The following TSGA10 variants were observed in gnomAD, a reference collection of about 807,000 sequenced individuals.
TSGA10 encodes the protein testis-specific gene 10 protein.
In TSGA10, 43 loss-of-function variants were observed where a neutral mutation model predicts 96.6. The ratio of observed to expected loss-of-function variants is 0.44; its 90% CI spans 0.35 to 0.57. TSGA10 has a LOEUF of 0.57. Among genes scored for constraint, TSGA10 ranks in the 20% least tolerant of loss-of-function variants. TSGA10 has a pLI of 0.01. For synonymous variants in TSGA10, 229 were observed against 269.9 expected (o/e 0.85, Z 1.48); for missense variants, 703 against 834.4 (o/e 0.84, Z 1.94).
intron 7 of TSGA10, among the ~76,000 whole-genome samples, chr2:99,108,061 G>T (rs1206124588): frequency 6.6e-6 from 1 of 151,814 alleles, no homozygotes; most frequent in Admixed American, 6.6e-5. Context: ...CATTTTTCAG[G>T]GCTCACACTT....
chr2:99,102,283 T>G (rs1456179264), intron 10 of TSGA10: 1 of 1,611,826 alleles, frequency 6.2e-7, no homozygotes, highest in East Asian at 2.2e-5. Flanking sequence ...AAAGGAGATG[T>G]GGAGGGCAGT....
In TSGA10 at chr2:99,078,940, G is replaced by GAGTT. The variant is rs1205720875; in HGVS notation, c.728-128_728-127insAACT. The GAGTT allele has an allele frequency of 1.1e-4, 90 of 838,242 alleles. 3 individuals are homozygous for GAGTT. The Middle Eastern group carries it at 1.5e-3, about 14-fold the overall frequency. 51.9% of individuals were successfully genotyped at this position (838,242 alleles called of 1,614,324 possible). A position where few individuals can be genotyped will look rare whatever the true frequency, so the allele number is the denominator to read the frequency against. Reference sequence around the variant, plus strand: ...TATATTATATTCAATTACTAACAATGAGTACTATATCCCAAATTAAAAAAA... The same window carrying GAGTT: ...TATATTATATTCAATTACTAACAATGAGTTAGTACTATATCCCAAATTAAAAAAA... On this transcript the variant is annotated intron_variant, in intron 11 of 20. Transcript: ENST00000393483.
intron 10 of TSGA10, among the ~76,000 whole-genome samples, chr2:99,081,766 T>A (rs1006666448): frequency 6.6e-6 from 1 of 152,168 alleles, no homozygotes; most frequent in African/African-American, 2.4e-5. Flanking sequence ...CATAGAGATG[T>A]CTGCAACACA....
At chr2:99,071,383 T>TAAA (rs76060963) in intron 14 of TSGA10, among the ~76,000 whole-genome samples, 3 of 150,080 alleles carry the variant, frequency 2.0e-5, no homozygotes, top group Non-Finnish European at 3.0e-5. Context: ...TCCATTTTTT[T>TAAA]AAAAAAAAAA....
intron 12 of TSGA10, among the ~76,000 whole-genome samples, chr2:99,075,066 T>C (rs1229092926): frequency 2.0e-5 from 3 of 152,058 alleles, no homozygotes; most frequent in Non-Finnish European, 2.9e-5. Context: ...TCTAGAAACA[T>C]TGTAAAGTAT....
At chr2:99,072,358 TTATA>T (rs2086077518) in intron 13 of TSGA10, among the ~76,000 whole-genome samples, 1 of 152,218 alleles carries the variant, frequency 6.6e-6, no homozygotes, top group Admixed American at 6.5e-5. Flanking sequence ...AGACCCTCTG[TTATA>T]CTCCAGACTT....
At chr2:99,102,159 C>T (rs2090841292) in intron 10 of TSGA10, 1 of 1,519,578 alleles carries the variant, frequency 6.6e-7, no homozygotes, top group Non-Finnish European at 9.1e-7. Flanking sequence ...GATGAATATA[C>T]TTGAACTTCG....
intron 1 of TSGA10, among the ~76,000 whole-genome samples, chr2:99,144,817 G>C (rs1341324077): frequency 1.3e-5 from 2 of 152,116 alleles, no homozygotes; most frequent in East Asian, 3.9e-4. Context: ...GCTTCAGGCT[G>C]GGGGAACTGT....
At position 99,105,353 on chromosome 2, in the gene TSGA10, T is replaced by C. The variant is rs756488967; in HGVS notation, c.459+6A>G. The C allele has an allele frequency of 6.3e-7, 1 of 1,583,306 alleles. No individual in the cohort carries two copies. On this transcript the variant is annotated splice_donor_region_variant and intron_variant, in intron 9 of 20. Transcript: ENST00000393483. ...AAAAGAGACTTTTCTTTTTTTTTTT[T>C]TTTACATTATGAACTGTACACTCCA...
chr2:99,131,391 G>A (rs1444790903), intron 1 of TSGA10, among the ~76,000 whole-genome samples: 5 of 152,140 alleles, frequency 3.3e-5, no homozygotes, highest in African/African-American at 9.7e-5. Flanking sequence ...TAGCAATTGT[G>A]AATGGGAGGT....
intron 17 of TSGA10, among the ~76,000 whole-genome samples, chr2:99,026,074 T>C (rs932292020): frequency 6.6e-5 from 10 of 152,220 alleles, no homozygotes; most frequent in African/African-American, 2.4e-4. Context: ...TTTGGAAGAG[T>C]GTTTTATAAA....
chr2:99,121,448 T>A (rs149282923), intron 2 of TSGA10, among the ~76,000 whole-genome samples: 4 of 52 alleles, frequency 0.077, no homozygotes, highest in Non-Finnish European at 0.1. Flanking sequence ...GACATCCTTC[T>A]GTGAAGTATA....
intron 16 of TSGA10, among the ~76,000 whole-genome samples, chr2:99,054,672 T>A (rs1464602682): frequency 6.6e-6 from 1 of 152,088 alleles, no homozygotes; most frequent in Non-Finnish European, 1.5e-5. Flanking sequence ...TAACCCAATT[T>A]AAAAATGGGC....
At chr2:99,073,417 G>A (rs935918935) in intron 12 of TSGA10, among the ~76,000 whole-genome samples, 2 of 152,122 alleles carry the variant, frequency 1.3e-5, no homozygotes, top group African/African-American at 4.8e-5. Context: ...TGGCATTGGA[G>A]TATTGGCATT....
intron 20 of TSGA10, among the ~76,000 whole-genome samples, chr2:99,002,593 C>A (rs1431636558): frequency 6.6e-6 from 1 of 152,144 alleles, no homozygotes; most frequent in Non-Finnish European, 1.5e-5. Context: ...AGCAAAATAA[C>A]CAGCTAACAA....
intron 10 of TSGA10, among the ~76,000 whole-genome samples, chr2:99,088,174 G>A (rs1035732393): frequency 6.6e-6 from 1 of 152,190 alleles, no homozygotes; most frequent in Admixed American, 6.5e-5. Flanking sequence ...GAATCTAAGA[G>A]AGATGATAAT....
At position 98,998,176 on chromosome 2, in the gene TSGA10, T is replaced by C. The variant is rs375324514; in HGVS notation, c.*21A>G. 8 of 1,595,038 alleles carry C rather than the reference T, an allele frequency of 5.0e-6. No individual in the cohort carries two copies. The East Asian group carries it at 1.1e-4, about 22-fold the overall frequency. On this transcript the variant is annotated 3_prime_UTR_variant, in exon 21 of 21. Transcript: ENST00000393483. ...TTGTAACTTTGACCTTTCTCAGGGA[T>C]GTGAAGAATCATTTCAGGTGTCAGA... is the stretch of plus-strand genomic sequence containing the variant.
At chr2:99,138,773 C>T (rs2093419523) in intron 1 of TSGA10, among the ~76,000 whole-genome samples, 1 of 152,160 alleles carries the variant, frequency 6.6e-6, no homozygotes. Flanking sequence ...AATGCAAATA[C>T]ACCTTTACAA....
intron 2 of TSGA10, among the ~76,000 whole-genome samples, chr2:99,123,206 G>A (rs1209669316): frequency 6.6e-6 from 1 of 152,068 alleles, no homozygotes; most frequent in Non-Finnish European, 1.5e-5. Flanking sequence ...GTCTTGGCAT[G>A]CATTTCTTTG....
Sources: gnomAD v4.1 joint callset for allele counts (sites outside exome capture counted in the v4.1 genomes callset) on GRCh38, gnomAD v4.1.1 for gene constraint, MANE v1.5 for transcripts, NCBI Gene and HGNC (gene_info 2026-07-23, HGNC 2026-07-21) for gene names.